The following PCDHGA8 variants were observed in gnomAD, a reference collection of about 807,000 sequenced individuals.
PCDHGA8 encodes protocadherin gamma subfamily A, 8.
In PCDHGA8, 45 loss-of-function variants were observed where a neutral mutation model predicts 59.2. The ratio of observed to expected loss-of-function variants is 0.76; its 90% CI spans 0.60 to 0.98. The LOEUF is 0.98. Among genes scored for constraint, PCDHGA8 ranks in the 50% least tolerant of loss-of-function variants. The probability of loss-of-function intolerance (pLI) is 0.00; values close to 1 mark genes in which losing one functional copy is unlikely to be tolerated. For missense variants in PCDHGA8, 1,257 were observed against 1,196.2 expected, an observed-to-expected ratio of 1.05 and a Z score of -0.75; for synonymous variants, 531 against 519.0, an observed-to-expected ratio of 1.02 and a Z score of -0.32.
At position 141,395,121 on chromosome 5, in the gene PCDHGA8, T is replaced by C. The variant is rs773964445; in HGVS notation, c.2308T>C (p.Phe770Leu). 6.2e-7 allele frequency: 1 copy of C among 1,614,192 alleles called. No individual in the cohort carries two copies. The highest frequency in any genetic ancestry group is 2.2e-5 in the East Asian group (1 of 44,884). Residue 770 changes from phenylalanine (F) to leucine (L), a missense_variant, in exon 1 of 4, where the codon TTT becomes CTT. Phe to Leu is a conservative substitution (Grantham distance 22). Coordinates refer to ENST00000398604, the MANE Select transcript of PCDHGA8 (RefSeq NM_032088.2). ...CGACTCGCGGAAGAGTCACCTGATC[T>C]TTCCCCAGCCCAACTACGCAGACAT... is the stretch of plus-strand genomic sequence containing the variant. ...TADSRKSHLI[F>L]PQPNYADMLI...
At chr5:141,400,077 C>T in intron 1 of PCDHGA8, 4 of 1,614,040 alleles carry the variant, frequency 2.5e-6, no homozygotes, top group South Asian at 1.1e-5. Context: ...AGCCGCCACT[C>T]TCCGCCACCG....
At chr5:141,492,244 C>T (rs1334647731) in intron 1 of PCDHGA8, among the ~76,000 whole-genome samples, 1 of 152,198 alleles carries the variant, frequency 6.6e-6, no homozygotes, top group Admixed American at 6.5e-5. Flanking sequence ...TGGCCACCCC[C>T]ACGGCCCACA....
Position 141,511,103 on chromosome 5 carries a change from A to G in PCDHGA8, c.2729A>G (p.Lys910Arg), listed in dbSNP as rs779731716. The G allele has an allele frequency of 6.2e-7, 1 of 1,614,214 alleles. No individual in the cohort carries two copies. The highest frequency in any genetic ancestry group is 8.5e-7 in the Non-Finnish European group (1 of 1,180,026). The change falls in exon 4 of 4, where the codon AAG becomes AGG. Residue 910 changes from lysine to arginine, a missense_variant. By Grantham distance (26) the Lys-to-Arg change is conservative. Coordinates refer to ENST00000398604, the MANE Select transcript of PCDHGA8 (RefSeq NM_032088.2). ...SNATLTNAAGKRDGKAPAGGN... is the reference protein window; with the variant it reads ...SNATLTNAAGRRDGKAPAGGN... ...GCCACACTGACCAACGCAGCTGGCA[A>G]GCGGGATGGCAAGGCCCCAGCAGGT...
chr5:141,414,413 C>T, intron 1 of PCDHGA8: 1 of 1,613,830 alleles, frequency 6.2e-7, no homozygotes. Flanking sequence ...ATACACAGAG[C>T]CCTTGACAGG....
At chr5:141,488,189 T>G (rs574621860) in intron 1 of PCDHGA8, among the ~76,000 whole-genome samples, 2 of 152,316 alleles carry the variant, frequency 1.3e-5, no homozygotes, top group Non-Finnish European at 2.9e-5. Context: ...TCTTTTGGTC[T>G]GGGTCTTAGG....
intron 1 of PCDHGA8, chr5:141,422,140 C>CG (rs1369033587): frequency 6.3e-7 from 1 of 1,586,656 alleles, no homozygotes; most frequent in Non-Finnish European, 8.5e-7. Context: ...AGTTCAAGTA[C>CG]GGGGGTCTCT....
Position 141,486,552 on chromosome 5 carries a change from A to G in PCDHGA8, c.2425-8255A>G. On this transcript the variant is annotated intron_variant, in intron 1 of 3. Coordinates refer to ENST00000398604, the MANE Select transcript of PCDHGA8 (RefSeq NM_032088.2). This position sits in a 1 kb window ranked among gnomAD's most constrained non-coding sequence, Gnocchi z 5.0. ...CCACCCTCTTTCTTTCAGAGGTCAC[A>G]TGAGGTGTTTGTTCCTGAGAACAAT... is the stretch of plus-strand genomic sequence containing the variant. 1 of 1,614,136 alleles carries G rather than the reference A, an allele frequency of 6.2e-7. No homozygotes were observed. The highest frequency in any genetic ancestry group is 2.2e-5 in the East Asian group (1 of 44,882).
At chr5:141,481,323 C>T (rs539518691) in intron 1 of PCDHGA8, among the ~76,000 whole-genome samples, 1 of 152,284 alleles carries the variant, frequency 6.6e-6, no homozygotes, top group Non-Finnish European at 1.5e-5. Flanking sequence ...AAAGCACTAG[C>T]CCCTGGACAA....
At chr5:141,414,274 G>A (rs762803658) in intron 1 of PCDHGA8, 23 of 1,613,368 alleles carry the variant, frequency 1.4e-5, no homozygotes, top group Non-Finnish European at 1.9e-5. Flanking sequence ...TTCACCTCTG[G>A]GAACAGTCGT....
Position 141,476,441 on chromosome 5 carries a change from GAGTTGGT to G in PCDHGA8, c.2425-18362_2425-18356del. 3 of 1,614,160 alleles carry G rather than the reference GAGTTGGT, an allele frequency of 1.9e-6. No homozygotes were observed. The South Asian group carries it at 3.3e-5, about 18-fold the overall frequency. ...ACTGCCCTCTTGCACTGTAACTCTG[GAGTTGGT>G]AGTGGAGAACCCGCTGGAGCTGTTC... On this transcript the variant is annotated intron_variant, in intron 1 of 3. Transcript: ENST00000398604. The surrounding 1 kb of genome is among the most constrained non-coding windows in gnomAD (Gnocchi z 7.6).
In PCDHGA8 at chr5:141,491,177, T is replaced by G; in HGVS notation, c.2425-3630T>G. The G allele has an allele frequency of 6.2e-7, 1 of 1,614,158 alleles. No homozygotes were observed. Among genetic ancestry groups the G allele is most frequent in the Non-Finnish European group, 8.5e-7 (1 of 1,180,010 alleles). Reference sequence around the variant, plus strand: ...GACTCTGACACCCAGCAGGTGGTGGTCCTGGTGAGGGACAATGGTGACCCT... The same window carrying G: ...GACTCTGACACCCAGCAGGTGGTGGGCCTGGTGAGGGACAATGGTGACCCT... On this transcript the variant is annotated intron_variant, in intron 1 of 3. Transcript: ENST00000398604. This position sits in a 1 kb window ranked among gnomAD's most constrained non-coding sequence, Gnocchi z 6.9.
rs1488042504 is a variant in PCDHGA8, at chr5:141,511,552, T to C, written c.*379T>C. ...CCTCCTCCCCACCCCACTCCAACAG[T>C]TCCTCTTTCCCGAGTAAGGTGGTTG... On this transcript the variant is annotated 3_prime_UTR_variant, in exon 4 of 4. Coordinates refer to ENST00000398604, the MANE Select transcript of PCDHGA8 (RefSeq NM_032088.2). 1.3e-5 allele frequency: 4 copies of C among 304,316 alleles called. No individual in the cohort carries two copies. The highest frequency in any genetic ancestry group is 2.6e-5 in the Non-Finnish European group (4 of 156,548). The allele number at this position is 304,316 out of a possible 1,614,324, so 18.9% of individuals were successfully genotyped here.
In PCDHGA8 at chr5:141,394,514, C is replaced by G. The variant is rs2093021412; in HGVS notation, c.1701C>G (p.Leu567=). The change falls in exon 1 of 4, where the codon CTC becomes CTG. Residue 567 remains leucine, a synonymous_variant. Transcript: ENST00000398604. ...DNAPEILYPA[L]PTDGSTGVEL... is the part of the protein sequence containing the mutation. ...CGCCCGAGATCCTGTACCCCGCCCT[C>G]CCCACAGACGGTTCCACTGGCGTGG... 2 of 1,614,230 alleles carry G rather than the reference C, an allele frequency of 1.2e-6. No individual in the cohort carries two copies. The highest frequency in any genetic ancestry group is 1.1e-5 in the South Asian group (1 of 91,092).
At position 141,491,151 on chromosome 5, in the gene PCDHGA8, T is replaced by C. The variant is rs1283775894; in HGVS notation, c.2425-3656T>C. The C allele has an allele frequency of 6.2e-7, 1 of 1,614,150 alleles. No individual in the cohort carries two copies. On this transcript the variant is annotated intron_variant, in intron 1 of 3. Transcript: ENST00000398604. The surrounding 1 kb of genome is among the most constrained non-coding windows in gnomAD (Gnocchi z 6.9). ...GCACAGCCCGGGCCTTACTGGAGGA[T>C]GACTCTGACACCCAGCAGGTGGTGG...
intron 1 of PCDHGA8, among the ~76,000 whole-genome samples, chr5:141,434,819 A>G (rs2097719619): frequency 6.6e-6 from 1 of 151,946 alleles, no homozygotes; most frequent in Admixed American, 6.6e-5. Flanking sequence ...TATATCCCTT[A>G]GTACACTTGG....
chr5:141,403,476 A>G lies in PCDHGA8; in HGVS notation c.2424+8239A>G, dbSNP rs1258805283. The G allele has an allele frequency of 5.6e-6, 9 of 1,613,972 alleles. No homozygotes were observed. In the Admixed American group the frequency reaches 8.3e-5, roughly 15 times the overall value. On this transcript the variant is annotated intron_variant, in intron 1 of 3. Coordinates refer to ENST00000398604, the MANE Select transcript of PCDHGA8 (RefSeq NM_032088.2). ...CTCCAGAGCTACCAGCTCAGCCCCA[A>G]TCACCACTTCTCCCTGAACGTGCAG...
intron 1 of PCDHGA8, chr5:141,404,042 A>G: frequency 3.1e-6 from 5 of 1,613,892 alleles, no homozygotes; most frequent in Non-Finnish European, 4.2e-6. Context: ...ACCTCAGGGA[A>G]CAGTAATTCT....
chr5:141,434,861 T>C (rs1157640770), intron 1 of PCDHGA8, among the ~76,000 whole-genome samples: 1 of 151,998 alleles, frequency 6.6e-6, no homozygotes, highest in Non-Finnish European at 1.5e-5. Context: ...TAAATTTATA[T>C]ATATGTGACA....
chr5:141,419,216 G>C, intron 1 of PCDHGA8: 3 of 1,613,886 alleles, frequency 1.9e-6, no homozygotes, highest in Admixed American at 1.7e-5. Flanking sequence ...GCCGGTTTTC[G>C]GACAGTCAGC....
Sources: gnomAD v4.1 joint callset for allele counts (sites outside exome capture counted in the v4.1 genomes callset) on GRCh38, gnomAD v4.1.1 for gene constraint, Gnocchi (gnomAD v3.1) non-coding constraint, MANE v1.5 for transcripts, NCBI Gene and HGNC (gene_info 2026-07-23, HGNC 2026-07-21) for gene names.